PYY: variants seen among roughly 807,000 people sequenced by gnomAD.
PYY encodes peptide YY, also known as peptide tyrosine tyrosine.
A neutral mutation model predicts 10.3 loss-of-function variants in PYY; 12 were observed. The observed-to-expected ratio is 1.17, with a 90% CI of 0.75 to 1.89. The LOEUF is 1.89. Ranked by LOEUF, PYY falls within the 40% of genes most tolerant of loss-of-function variation. PYY has a pLI of 0.00. For synonymous variants in PYY, 66 were observed against 62.0 expected (o/e 1.06, Z -0.30); for missense variants, 141 against 134.0 (o/e 1.05, Z -0.26).
rs11336147 is a variant in PYY at position 43,988,769 on chromosome 17, CTT to C, written c.-463+15620_-463+15621del. Among the ~76,000 whole-genome samples, 107 of 137,276 alleles carry C rather than the reference CTT, an allele frequency of 7.8e-4. 1 individual carries two copies. The highest frequency in any genetic ancestry group is 1.4e-3 in the South Asian group (6 of 4,278). The allele number at this position is 137,276 out of a possible 152,430, so 90.1% of individuals were successfully genotyped here. A position where few individuals can be genotyped will look rare whatever the true frequency, so the allele number is the denominator to read the frequency against. ...TTTTCTTTTTCTTCTTTCTTTCTGT[CTT>C]TTTTTTTTTGAGACGGAGTATCACT... On this transcript the variant is annotated intron_variant, in intron 1 of 6. Transcript: ENST00000360085.
chr17:43,968,289 C>A (rs1045972557), intron 1 of PYY, among the ~76,000 whole-genome samples: 1 of 152,052 alleles, frequency 6.6e-6, no homozygotes, highest in Non-Finnish European at 1.5e-5. Flanking sequence ...GCCACCTGGC[C>A]CTGAACACGG....
intron 1 of PYY, among the ~76,000 whole-genome samples, chr17:43,979,580 A>C (rs2048869655): frequency 6.6e-6 from 1 of 151,932 alleles, no homozygotes; most frequent in Non-Finnish European, 1.5e-5. Flanking sequence ...CAGGAGACTG[A>C]GACAGGAGGG....
intron 1 of PYY, among the ~76,000 whole-genome samples, chr17:43,996,547 C>T (rs1597860260): frequency 6.6e-6 from 1 of 152,174 alleles, no homozygotes. Flanking sequence ...CCACTGCAAC[C>T]TCCACCTCCT....
chr17:43,988,506 G>A (rs1187611406), intron 1 of PYY, among the ~76,000 whole-genome samples: 1 of 152,052 alleles, frequency 6.6e-6, no homozygotes. Context: ...CACTTCACCT[G>A]CCCTGGGTTG....
At position 43,987,354 on chromosome 17, in the gene PYY, T is replaced by TA. The variant is rs2048922378; in HGVS notation, c.-463+17036dup. Among the ~76,000 whole-genome samples the TA allele has an allele frequency of 6.6e-6, 1 of 152,190 alleles. No homozygotes were observed. The highest frequency in any genetic ancestry group is 2.4e-5 in the African/African-American group (1 of 41,432). On this transcript the variant is annotated intron_variant, in intron 1 of 6. Coordinates refer to the PYY transcript ENST00000360085. The surrounding 1 kb of genome is among the most constrained non-coding windows in gnomAD (Gnocchi z 4.0). ...TCAGAAGCAGCTGCCTCCAGGACTC[T>TA]AGCCCTGTCTCCCCAGCCCTATTCC...
At chr17:43,963,570 A>AAGGAAAAGAAAGAAAGAAAGAAAG (rs1555617070) in intron 2 of PYY, among the ~76,000 whole-genome samples, 1 of 104,648 alleles carries the variant, frequency 9.6e-6, no homozygotes, top group African/African-American at 3.6e-5. Context: ...GGAAGGAAGG[A>AAGGAAAAGAAAGAAAGAAAGAAAG]AAAGAAAGAA....
At chr17:43,992,713 A>G (rs2048965551) in intron 1 of PYY, among the ~76,000 whole-genome samples, 1 of 152,090 alleles carries the variant, frequency 6.6e-6, no homozygotes, top group Admixed American at 6.6e-5. Context: ...ATCAAAAAAA[A>G]TAATAATAAT....
At chr17:44,001,314 G>C (rs2049025074) in intron 1 of PYY, among the ~76,000 whole-genome samples, 1 of 152,140 alleles carries the variant, frequency 6.6e-6, no homozygotes, top group East Asian at 1.9e-4. Flanking sequence ...GGATCTCCAA[G>C]ACCCAAGCCT....
intron 1 of PYY, among the ~76,000 whole-genome samples, chr17:43,991,826 GA>G (rs776915338): frequency 1.6e-3 from 207 of 132,362 alleles, no homozygotes; most frequent in African/African-American, 3.4e-3. Flanking sequence ...TGTCTCAAAA[GA>G]AAAAAAAAAA....
intron 1 of PYY, among the ~76,000 whole-genome samples, chr17:43,981,612 T>C (rs71371956): frequency 0.014 from 2,162 of 152,102 alleles, 62 homozygotes; most frequent in African/African-American, 0.05. Context: ...ACCTCAGCCT[T>C]CCAAGTAGCT....
At chr17:43,976,174 T>C (rs769471808) in intron 1 of PYY, among the ~76,000 whole-genome samples, 1 of 87,280 alleles carries the variant, frequency 1.1e-5, no homozygotes, top group Admixed American at 1.2e-4. Flanking sequence ...CATGCATATA[T>C]GTATATATAC....
chr17:43,987,120 CAG>C lies in PYY; in HGVS notation c.-463+17269_-463+17270del, dbSNP rs1343194185. Among the ~76,000 whole-genome samples the C allele has an allele frequency of 2.0e-5, 3 of 152,292 alleles. No homozygotes were observed. Among genetic ancestry groups the C allele is most frequent in the African/African-American group, 7.2e-5 (3 of 41,546 alleles). ...TCCACCCCTCCTCTGGTGGTCAGCA[CAG>C]ACATGGTGACCGTGGCCCTGAAACC... On this transcript the variant is annotated intron_variant, in intron 1 of 6. Coordinates refer to the PYY transcript ENST00000360085. This position sits in a 1 kb window ranked among gnomAD's most constrained non-coding sequence, Gnocchi z 4.0.
chr17:43,962,985 G>A (rs2048722888), intron 2 of PYY, among the ~76,000 whole-genome samples: 1 of 152,090 alleles, frequency 6.6e-6, no homozygotes. Flanking sequence ...AGAAAAGGGG[G>A]AGAAAGAGAT....
chr17:43,987,456 T>C lies in PYY; in HGVS notation c.-463+16935A>G, dbSNP rs1319978548. 6.6e-6 allele frequency among the ~76,000 whole-genome samples: 1 copy of C among 152,158 alleles called. No individual in the cohort carries two copies. Among genetic ancestry groups the C allele is most frequent in the African/African-American group, 2.4e-5 (1 of 41,436 alleles). On this transcript the variant is annotated intron_variant, in intron 1 of 6. Transcript: ENST00000360085. The surrounding 1 kb of genome is among the most constrained non-coding windows in gnomAD (Gnocchi z 4.0). ...CTGGGCAGGGGAGACTCCCAGCCTC[T>C]CAGCCTCCCTGCTACTGATGGAATT...
In PYY at chr17:43,953,890, G is replaced by C. The variant is rs2048653881; in HGVS notation, c.-41C>G. On this transcript the variant is annotated 5_prime_UTR_variant, in exon 1 of 4. Transcript: ENST00000692052. The stretch of plus-strand genomic sequence containing the variant: ...AGCAGACGAGCAGGAGGTGGAAGGC[G>C]AGGGAAGTCCCAAGGGCTGCACTGC... 6.1e-6 allele frequency: 1 copy of C among 164,104 alleles called. No individual in the cohort carries two copies. Among genetic ancestry groups the C allele is most frequent in the South Asian group, 1.9e-4 (1 of 5,204 alleles). 10.2% of individuals were successfully genotyped at this position (164,104 alleles called of 1,614,324 possible).
At chr17:43,992,484 G>A (rs1340641536) in intron 1 of PYY, among the ~76,000 whole-genome samples, 10 of 152,142 alleles carry the variant, frequency 6.6e-5, no homozygotes, top group African/African-American at 9.7e-5. Context: ...GCCGAGGTGG[G>A]CGGATCACCT....
At chr17:44,000,364 G>C (rs1279776040) in intron 1 of PYY, among the ~76,000 whole-genome samples, 1 of 152,118 alleles carries the variant, frequency 6.6e-6, no homozygotes, top group African/African-American at 2.4e-5. Context: ...GGTTGGGCCT[G>C]GGTGTATCTG....
At chr17:43,980,048 C>T (rs2048872350) in intron 1 of PYY, among the ~76,000 whole-genome samples, 1 of 152,116 alleles carries the variant, frequency 6.6e-6, no homozygotes, top group South Asian at 2.1e-4. Flanking sequence ...TCCCAGTGTC[C>T]CCTACCTTTC....
intron 1 of PYY, among the ~76,000 whole-genome samples, chr17:43,992,486 G>A (rs1215850349): frequency 2.6e-5 from 4 of 152,176 alleles, no homozygotes; most frequent in South Asian, 4.2e-4. Flanking sequence ...CGAGGTGGGC[G>A]GATCACCTGA....
Sources: allele counts gnomAD v4.1 joint callset (sites outside exome capture counted in the v4.1 genomes callset), GRCh38; gene constraint gnomAD v4.1.1; non-coding constraint Gnocchi (gnomAD v3.1); transcripts MANE v1.5; gene names NCBI Gene and HGNC (gene_info 2026-07-23, HGNC 2026-07-21).